Variants in CLCN5 observed in about 807,000 individuals in gnomAD.
CLCN5 encodes Cl-/H+ antiporter 5, also known as H(+)/Cl(-) exchange transporter 5.
A neutral mutation model predicts 54.0 loss-of-function variants in CLCN5; 17 were observed. That is an observed-to-expected ratio of 0.31 (90% confidence interval 0.22 to 0.47). CLCN5 has a LOEUF of 0.47. Among genes scored for constraint, CLCN5 ranks in the 20% least tolerant of loss-of-function variants. CLCN5 has a pLI of 1.00. For missense variants in CLCN5, 448 were observed against 646.7 expected, an observed-to-expected ratio of 0.69 and a Z score of 3.33; for synonymous variants, 222 against 233.0, an observed-to-expected ratio of 0.95 and a Z score of 0.43.
intron 8 of CLCN5, among the ~76,000 whole-genome samples, chrX:50,081,208 G>T (rs1368092117): frequency 9.2e-6 from 1 of 109,270 alleles, no homozygotes; most frequent in African/African-American, 3.3e-5. Context: ...TTCCTGACCA[G>T]GTAATAAGTC....
intron 7 of CLCN5, among the ~76,000 whole-genome samples, chrX:50,077,621 AGTGTGTGTGT>A (rs34262397): frequency 1.3e-4 from 10 of 78,713 alleles, no homozygotes; most frequent in South Asian, 6.0e-4. Flanking sequence ...AGAGAGAGAG[AGTGTGTGTGT>A]GTGTGTGTGT....
intron 3 of CLCN5, among the ~76,000 whole-genome samples, chrX:50,035,574 G>A (rs945426306): frequency 9.9e-6 from 1 of 101,447 alleles, no homozygotes; most frequent in East Asian, 3.5e-4. Flanking sequence ...CCCTAGGTAT[G>A]TTGAATGGGG....
chrX:49,945,572 C>T (rs1156904391), intron 3 of CLCN5: 1 of 101,932 alleles, frequency 9.8e-6, no homozygotes, highest in East Asian at 3.1e-4. Flanking sequence ...CCAGTAGCTG[C>T]ATTTATGGGC....
intron 3 of CLCN5, among the ~76,000 whole-genome samples, chrX:49,987,807 C>T (rs906930123): frequency 8.1e-5 from 9 of 111,633 alleles, no homozygotes; most frequent in Non-Finnish European, 1.5e-4. Flanking sequence ...GCTGTTTAGA[C>T]CTTTACAGAA....
intron 11 of CLCN5, among the ~76,000 whole-genome samples, chrX:50,087,633 A>T (rs1933935696): frequency 8.9e-6 from 1 of 111,734 alleles, no homozygotes; most frequent in African/African-American, 3.3e-5. Flanking sequence ...AGAGAAATGG[A>T]GATTCAAGCC....
chrX:49,940,923 C>T (rs909111193), intron 3 of CLCN5, among the ~76,000 whole-genome samples: 62 of 111,847 alleles, frequency 5.5e-4, no homozygotes, highest in African/African-American at 1.7e-3. Flanking sequence ...GACTCAGGCT[C>T]TACCAGTTAC....
intron 14 of CLCN5, among the ~76,000 whole-genome samples, chrX:50,091,741 G>A (rs1158470756): frequency 8.9e-6 from 1 of 112,245 alleles, no homozygotes; most frequent in African/African-American, 3.2e-5. Flanking sequence ...AAGTGCCACT[G>A]AGGAGGCCTG....
intron 4 of CLCN5, among the ~76,000 whole-genome samples, chrX:50,058,110 A>C (rs782575930): frequency 8.9e-6 from 1 of 111,966 alleles, no homozygotes; most frequent in African/African-American, 3.2e-5. Context: ...AAAATACAAT[A>C]TATCGCTGTA....
At chrX:50,077,829 A>C (rs1311057381) in intron 7 of CLCN5, among the ~76,000 whole-genome samples, 1 of 70,134 alleles carries the variant, frequency 1.4e-5, no homozygotes, top group African/African-American at 4.3e-5. Flanking sequence ...AAAAAAAAAA[A>C]AAAAAAAAAA....
At position 50,042,343 on chromosome X, in the gene CLCN5, AG is replaced by A; in HGVS notation, c.48del (p.Ser17ValfsTer14). On this transcript the variant is annotated frameshift_variant, in exon 4 of 15. Transcript: ENST00000376091. LOFTEE classifies it high-confidence loss of function. ...GCCATGGATAACAGAGGCTTTCAGC[AG>A]GGGAGTTTTAGTAGCTTCCAGAACA... ...QGAMDNRGFQ[Q>X]GSFSSFQNSS... is the part of the protein sequence containing the mutation. 8.5e-7 allele frequency: 1 copy of A among 1,175,272 alleles called. No homozygotes were observed.
intron 9 of CLCN5, among the ~76,000 whole-genome samples, chrX:50,084,802 G>A (rs1557193669): frequency 8.9e-6 from 1 of 112,201 alleles, no homozygotes; most frequent in African/African-American, 3.2e-5. Context: ...AAAGTGGGCA[G>A]ATGGTTGAGA....
intron 3 of CLCN5, among the ~76,000 whole-genome samples, chrX:50,000,662 G>T (rs1302118491): frequency 1.8e-5 from 2 of 111,814 alleles, no homozygotes; most frequent in East Asian, 5.6e-4. Flanking sequence ...ATCCTGGCGT[G>T]ATCTGTAATG....
chrX:49,935,489 T>C, intron 3 of CLCN5, among the ~76,000 whole-genome samples: 1 of 112,382 alleles, frequency 8.9e-6, no homozygotes, highest in Admixed American at 9.4e-5. Flanking sequence ...CTCTTAAGCC[T>C]TGCAGTCTCA....
chrX:49,945,544 A>G (rs1374968877), intron 3 of CLCN5: 9 of 107,097 alleles, frequency 8.4e-5, no homozygotes, highest in Non-Finnish European at 1.5e-4. Context: ...CCCTGGTTCA[A>G]GCGATTCTTC....
intron 3 of CLCN5, among the ~76,000 whole-genome samples, chrX:49,962,075 A>G (rs1237621742): frequency 8.9e-6 from 1 of 112,142 alleles, no homozygotes; most frequent in African/African-American, 3.2e-5. Context: ...TTTCTACCTA[A>G]GCTTTCAAAG....
intron 8 of CLCN5, among the ~76,000 whole-genome samples, 155 bp downstream of exon 8, chrX:50,080,871 C>T (rs1557193035): frequency 1.8e-5 from 2 of 111,534 alleles, no homozygotes; most frequent in South Asian, 3.8e-4. Flanking sequence ...CCACAAGTCC[C>T]TCTCAGCCTG....
chrX:50,089,677 G>A (rs1037392274), intron 12 of CLCN5, among the ~76,000 whole-genome samples: 1 of 111,771 alleles, frequency 8.9e-6, no homozygotes, highest in South Asian at 3.8e-4. Context: ...CTTGAGGTTA[G>A]GAGTTTGAGA....
chrX:50,057,382 A>G (rs1932769519), intron 4 of CLCN5, among the ~76,000 whole-genome samples: 1 of 89,144 alleles, frequency 1.1e-5, no homozygotes, highest in Non-Finnish European at 2.3e-5. Context: ...GTGGTCCTGG[A>G]TAGATACTAT....
At chrX:50,001,748 A>C (rs782724524) in intron 3 of CLCN5, among the ~76,000 whole-genome samples, 1 of 107,514 alleles carries the variant, frequency 9.3e-6, no homozygotes. Context: ...CCTTCCTTAC[A>C]CCTTATACAA....
Sources: gnomAD v4.1 joint callset for allele counts (sites outside exome capture counted in the v4.1 genomes callset) on GRCh38, gnomAD v4.1.1 for gene constraint, MANE v1.5 for transcripts, NCBI Gene and HGNC (gene_info 2026-07-23, HGNC 2026-07-21) for gene names.